The following CSMD1 variants were observed in gnomAD, a reference collection of about 807,000 sequenced individuals.
CSMD1 encodes CUB and sushi domain-containing protein 1.
CSMD1 carries 213 observed loss-of-function variants against 417.5 expected under a neutral mutation model. That is an observed-to-expected ratio of 0.51 (90% CI 0.46 to 0.57). The LOEUF is 0.57. Ranked by LOEUF, CSMD1 falls within the 20% of genes least tolerant of loss-of-function variation. The probability of loss-of-function intolerance (pLI) is 0.00; values close to 1 mark genes in which losing one functional copy is unlikely to be tolerated. For synonymous variants in CSMD1, 2,862 were observed against 1,736.8 expected, an observed-to-expected ratio of 1.65 and a Z score of -16.11; for missense variants, 6,923 against 4,529.7, an observed-to-expected ratio of 1.53 and a Z score of -15.17.
chr8:3,064,425 T>C (rs1812787164), intron 49 of CSMD1, among the ~76,000 whole-genome samples: 1 of 152,170 alleles, frequency 6.6e-6, no homozygotes, highest in Non-Finnish European at 1.5e-5. Flanking sequence ...TCCCCTTCGC[T>C]TTCTGCCATG....
chr8:4,613,114 C>G (rs1203647278), intron 2 of CSMD1, among the ~76,000 whole-genome samples: 3 of 152,144 alleles, frequency 2.0e-5, no homozygotes, highest in African/African-American at 7.2e-5. Context: ...CACACACACA[C>G]AGGTACACAA....
At chr8:4,916,246 G>T (rs193301426) in intron 1 of CSMD1, among the ~76,000 whole-genome samples, 1 of 149,076 alleles carries the variant, frequency 6.7e-6, no homozygotes, top group African/African-American at 2.6e-5. Context: ...ATAGAATTTC[G>T]GCACACTACG....
chr8:2,978,696 T>C lies in CSMD1; in HGVS notation c.8482A>G (p.Lys2828Glu), dbSNP rs771453442. 3 of 1,612,510 alleles carry C rather than the reference T, an allele frequency of 1.9e-6. No individual in the cohort carries two copies. The highest frequency in any genetic ancestry group is 1.7e-6 in the Non-Finnish European group (2 of 1,179,260). Residue 2828 changes from lysine to glutamate, a missense_variant, in exon 55 of 70, where the codon AAG becomes GAG. By Grantham distance (56) the Lys-to-Glu change is moderately conservative (BLOSUM62 1). Coordinates refer to ENST00000635120, the MANE Select transcript of CSMD1 (RefSeq NM_033225.6). Reference protein sequence around the residue: ...EYGMSILYHCKKGFYLLGSSA... With the variant: ...EYGMSILYHCEKGFYLLGSSA... ...GATCCCAGCAAGTAAAATCCCTTCT[T>C]GCAATGGTACAGGATACTCATTCCA...
At chr8:4,833,709 G>C (rs762660989) in intron 1 of CSMD1, among the ~76,000 whole-genome samples, 4 of 152,140 alleles carry the variant, frequency 2.6e-5, no homozygotes, top group Non-Finnish European at 5.9e-5. Context: ...AGTGGAAGGA[G>C]GGTGACTCTT....
At chr8:4,212,214 T>C (rs1211622742) in intron 3 of CSMD1, among the ~76,000 whole-genome samples, 2 of 150,772 alleles carry the variant, frequency 1.3e-5, no homozygotes, top group African/African-American at 2.4e-5. Flanking sequence ...CTCCATGTTG[T>C]TTTAACTTAT....
At chr8:4,144,928 C>G (rs1286336360) in intron 3 of CSMD1, among the ~76,000 whole-genome samples, 1 of 150,940 alleles carries the variant, frequency 6.6e-6, no homozygotes, top group African/African-American at 2.5e-5. Flanking sequence ...TGGAGTGAAG[C>G]AGAGACCCCA....
intron 54 of CSMD1, among the ~76,000 whole-genome samples, chr8:2,984,301 G>C (rs892370505): frequency 6.6e-6 from 1 of 152,150 alleles, no homozygotes; most frequent in African/African-American, 2.4e-5. Context: ...AGGATGCTGG[G>C]AGGAGCATGG....
At chr8:3,467,260 C>T (rs980045755) in intron 12 of CSMD1, among the ~76,000 whole-genome samples, 15 of 152,334 alleles carry the variant, frequency 9.8e-5, no homozygotes, top group African/African-American at 3.4e-4. Context: ...GTACCATAAA[C>T]CTCATGATGT....
intron 2 of CSMD1, among the ~76,000 whole-genome samples, chr8:4,424,533 AT>A (rs1310179574): frequency 5.3e-5 from 8 of 152,024 alleles, no homozygotes; most frequent in Non-Finnish European, 7.4e-5. Flanking sequence ...TGAAATAAAA[AT>A]AAATAATGAC....
At chr8:4,160,158 A>C (rs1378526410) in intron 3 of CSMD1, among the ~76,000 whole-genome samples, 1 of 152,068 alleles carries the variant, frequency 6.6e-6, no homozygotes, top group African/African-American at 2.4e-5. Context: ...TTTGAAAATT[A>C]TGATTTACTG....
At chr8:4,609,114 T>C (rs1801035467) in intron 2 of CSMD1, among the ~76,000 whole-genome samples, 2 of 152,126 alleles carry the variant, frequency 1.3e-5, no homozygotes, top group South Asian at 2.1e-4. Flanking sequence ...CAAGATGAAA[T>C]ACTCGCCAGA....
At chr8:4,224,266 C>T (rs537281057) in intron 3 of CSMD1, among the ~76,000 whole-genome samples, 17 of 152,168 alleles carry the variant, frequency 1.1e-4, no homozygotes, top group African/African-American at 3.1e-4. Context: ...TGCTTGCACA[C>T]GTTTTTCCAT....
intron 3 of CSMD1, among the ~76,000 whole-genome samples, chr8:4,116,785 G>A (rs181885070): frequency 6.6e-6 from 1 of 151,642 alleles, no homozygotes; most frequent in East Asian, 2.0e-4. Context: ...AGTCTGTTCG[G>A]TTTTGCTGTC....
At chr8:4,861,925 T>A (rs998668673) in intron 1 of CSMD1, among the ~76,000 whole-genome samples, 3 of 152,076 alleles carry the variant, frequency 2.0e-5, no homozygotes, top group Admixed American at 6.5e-5. Context: ...TATACTTACA[T>A]TTCAAAACGG....
intron 3 of CSMD1, among the ~76,000 whole-genome samples, chr8:4,285,515 T>A (rs974737128): frequency 2.0e-5 from 3 of 152,116 alleles, no homozygotes; most frequent in Non-Finnish European, 4.4e-5. Flanking sequence ...TGAAGACAGA[T>A]CTCTTGTTTT....
chr8:3,826,178 G>A (rs1372453030), intron 5 of CSMD1, among the ~76,000 whole-genome samples: 2 of 152,098 alleles, frequency 1.3e-5, no homozygotes, highest in Non-Finnish European at 2.9e-5. Flanking sequence ...TGACTGAGTT[G>A]AAAGCCCTGT....
intron 1 of CSMD1, among the ~76,000 whole-genome samples, chr8:4,665,054 G>T (rs953768731): frequency 2.0e-5 from 3 of 151,930 alleles, no homozygotes; most frequent in African/African-American, 7.3e-5. Flanking sequence ...TTATTAATTT[G>T]CAGAAAAGGT....
intron 5 of CSMD1, among the ~76,000 whole-genome samples, chr8:3,939,313 C>G (rs1054911946): frequency 6.6e-6 from 1 of 152,032 alleles, no homozygotes; most frequent in South Asian, 2.1e-4. Context: ...CAATGAGATA[C>G]CACCTTACTC....
chr8:3,403,655 C>A (rs778402021), intron 15 of CSMD1, among the ~76,000 whole-genome samples: 6 of 152,244 alleles, frequency 3.9e-5, no homozygotes, highest in East Asian at 1.9e-4. Context: ...GTGGCCAGGA[C>A]AGAACAGAGA....
Sources: allele counts gnomAD v4.1 joint callset (sites outside exome capture counted in the v4.1 genomes callset), GRCh38; gene constraint gnomAD v4.1.1; transcripts MANE v1.5; gene names NCBI Gene and HGNC (gene_info 2026-07-23, HGNC 2026-07-21).